CENPT: variants seen among roughly 807,000 people sequenced by gnomAD.
The protein encoded by CENPT is interphase centromere complex protein 22.
CENPT carries 42 observed loss-of-function variants against 59.7 expected under a neutral mutation model. The observed-to-expected ratio is 0.70, with a 90% CI of 0.55 to 0.91. The LOEUF (loss-of-function observed/expected upper bound fraction) is 0.91, where lower values mean the gene tolerates loss of function less well. CENPT is among the 40% of genes least tolerant of loss of function. The pLI is 0.00. For missense variants in CENPT, 716 were observed against 713.4 expected, an observed-to-expected ratio of 1.00 and a Z score of -0.04; for synonymous variants, 295 against 289.6, an observed-to-expected ratio of 1.02 and a Z score of -0.19.
chr16:67,838,784 G>A (rs908128349), intron 1 of CENPT, among the ~76,000 whole-genome samples: 6 of 151,464 alleles, frequency 4.0e-5, no homozygotes, highest in Admixed American at 2.6e-4. Context: ...AAAATTAGTC[G>A]GGTGTAGTGG....
intron 1 of CENPT, among the ~76,000 whole-genome samples, chr16:67,846,080 C>T (rs770859447): frequency 2.2e-4 from 34 of 152,262 alleles, no homozygotes; most frequent in Middle Eastern, 3.4e-3. Context: ...ACTGGCCTTA[C>T]CACAAATGTT....
chr16:67,828,757 T>A lies in CENPT; in HGVS notation c.1367A>T (p.His456Leu), dbSNP rs1458463231. 2 of 1,611,854 alleles carry A rather than the reference T, an allele frequency of 1.2e-6. No individual in the cohort carries two copies. Among genetic ancestry groups the A allele is most frequent in the Non-Finnish European group, 1.7e-6 (2 of 1,179,458 alleles). Residue 456 changes from histidine (H) to leucine (L), a missense_variant, in exon 14 of 16, where the codon CAC (histidine) becomes CTC (leucine). Coordinates refer to ENST00000562787, the MANE Select transcript of CENPT (RefSeq NM_025082.4). ...CACATAGTGGCTCAGTCCAGCCTTG[T>A]GGGGATCTTGCCGGGGCCTGGGGCC... ...TTGPRPRQDP[H>L]KAGLSHYVKL...
In CENPT at chr16:67,847,432, C is replaced by G. The variant is rs879628168; in HGVS notation, c.-523G>C. ...AGGATCCGGGGATGGGCAGCGCCAC[C>G]CGGCCCGCTCCAGAGTCAGCATGGG... On this transcript the variant is annotated 5_prime_UTR_variant, in exon 1 of 16. Transcript: ENST00000562787. The G allele has an allele frequency of 1.3e-5, 2 of 152,326 alleles. No individual in the cohort carries two copies. Among genetic ancestry groups the G allele is most frequent in the East Asian group, 3.9e-4 (2 of 5,172 alleles). 9.4% of individuals were successfully genotyped at this position (152,326 alleles called of 1,614,324 possible). A position where few individuals can be genotyped will look rare whatever the true frequency, so the allele number is the denominator to read the frequency against.
Position 67,842,509 on chromosome 16 carries a change from A to C in CENPT, c.-492+4892T>G. ...GGCGGCGTAGCCACTGGGCCGTCGA[A>C]GAGCGCAGGAGGCCGGTGGGCCGGG... On this transcript the variant is annotated intron_variant, in intron 1 of 15. Transcript: ENST00000562787. This position sits in a 1 kb window ranked among gnomAD's most constrained non-coding sequence, Gnocchi z 4.9. 7.0e-7 allele frequency: 1 copy of C among 1,428,242 alleles called. No individual in the cohort carries two copies. Among genetic ancestry groups the C allele is most frequent in the Non-Finnish European group, 9.1e-7 (1 of 1,093,816 alleles). The allele number at this position is 1,428,242 out of a possible 1,614,324, so 88.5% of individuals were successfully genotyped here.
At position 67,843,042 on chromosome 16, in the gene CENPT, C is replaced by G; in HGVS notation, c.-492+4359G>C. ...GCCGTGCTTCTCACCCTTCAGGCCA[C>G]TGTAGACAGCAGTCAGGCTCCGGGA... On this transcript the variant is annotated intron_variant, in intron 1 of 15. Transcript: ENST00000562787. This position sits in a 1 kb window ranked among gnomAD's most constrained non-coding sequence, Gnocchi z 5.7. 1.2e-6 allele frequency: 2 copies of G among 1,612,478 alleles called. No individual in the cohort carries two copies. The highest frequency in any genetic ancestry group is 1.7e-6 in the Non-Finnish European group (2 of 1,180,040).
At position 67,843,116 on chromosome 16, in the gene CENPT, A is replaced by T. The variant is rs765187965; in HGVS notation, c.-492+4285T>A. ...TCCCACTGGAGAAGACGTGAAGCCC[A>T]TCGATCTCACAGTGCAAGTGGAGTT... On this transcript the variant is annotated intron_variant, in intron 1 of 15. Transcript: ENST00000562787. The surrounding 1 kb of genome is among the most constrained non-coding windows in gnomAD (Gnocchi z 5.7). 1 of 1,610,628 alleles carries T rather than the reference A, an allele frequency of 6.2e-7. No homozygotes were observed. Among genetic ancestry groups the T allele is most frequent in the Admixed American group, 1.7e-5 (1 of 60,018 alleles).
chr16:67,830,592 A>C, intron 10 of CENPT, 44 bp from the exon 11 acceptor site: 1 of 1,598,948 alleles, frequency 6.3e-7, no homozygotes, highest in Non-Finnish European at 8.5e-7. Context: ...TCACCTGGAG[A>C]TCAGGGGCCA....
intron 1 of CENPT, among the ~76,000 whole-genome samples, chr16:67,844,888 A>G (rs548437339): frequency 1.1e-4 from 16 of 151,912 alleles, no homozygotes; most frequent in Non-Finnish European, 2.2e-4. Flanking sequence ...TCCCAGGTTC[A>G]AGCAATTCTT....
At position 67,843,506 on chromosome 16, in the gene CENPT, G is replaced by A; in HGVS notation, c.-492+3895C>T. 1 of 1,598,570 alleles carries A rather than the reference G, an allele frequency of 6.3e-7. No individual in the cohort carries two copies. Among genetic ancestry groups the A allele is most frequent in the Non-Finnish European group, 8.5e-7 (1 of 1,171,706 alleles). On this transcript the variant is annotated intron_variant, in intron 1 of 15. Coordinates refer to ENST00000562787, the MANE Select transcript of CENPT (RefSeq NM_025082.4). This position sits in a 1 kb window ranked among gnomAD's most constrained non-coding sequence, Gnocchi z 5.7. Reference sequence around the variant, plus strand: ...CAAGAAGCACGGAATGTGAACTGGTGCCCCGGCAGCCTGCTGGACTCCCAG... The same window carrying A: ...CAAGAAGCACGGAATGTGAACTGGTACCCCGGCAGCCTGCTGGACTCCCAG...
chr16:67,845,928 TG>T (rs1395913374), intron 1 of CENPT, among the ~76,000 whole-genome samples: 1 of 152,222 alleles, frequency 6.6e-6, no homozygotes, highest in Admixed American at 6.5e-5. Context: ...AAAACTCTTG[TG>T]GAAGAACAGG....
rs1411181537 is a variant in CENPT, at chr16:67,843,457, G to A, written c.-492+3944C>T. On this transcript the variant is annotated intron_variant, in intron 1 of 15. Coordinates refer to ENST00000562787, the MANE Select transcript of CENPT (RefSeq NM_025082.4). The surrounding 1 kb of genome is among the most constrained non-coding windows in gnomAD (Gnocchi z 5.7). ...GCGAAGAACTGCGTGAGAAGGATCG[G>A]CTGCTTGCCATGGCTGTCATCCGCA... The A allele has an allele frequency of 6.2e-7, 1 of 1,613,464 alleles. No homozygotes were observed. The highest frequency in any genetic ancestry group is 1.3e-5 in the African/African-American group (1 of 74,936).
chr16:67,832,064 C>T lies in CENPT; in HGVS notation c.334G>A (p.Val112Met). The T allele has an allele frequency of 1.2e-6, 2 of 1,612,238 alleles. No individual in the cohort carries two copies. The highest frequency in any genetic ancestry group is 1.7e-6 in the Non-Finnish European group (2 of 1,178,744). ...GGTTGGACCGCCTGCGGTGCTGGCA[C>T]TGGCTTCACTACCGACTCAGGCATC... Reference protein sequence around the residue: ...ILMPESVVKPVPAPQAVQPSR... With the variant: ...ILMPESVVKPMPAPQAVQPSR... The change falls in exon 7 of 16, where the codon GTG (valine) becomes ATG (methionine). Residue 112 changes from valine to methionine, a missense_variant. By Grantham distance (21) the Val-to-Met change is conservative. Coordinates refer to ENST00000562787, the MANE Select transcript of CENPT (RefSeq NM_025082.4).
In CENPT at chr16:67,828,405, G is replaced by A. The variant is rs1042455895; in HGVS notation, c.1563-15C>T. ...CCAGGCCCTGCCTGCAGTGGAGGAA[G>A]AGAAGGGACAGGCAGAATCAGCACC... On this transcript the variant is annotated splice_polypyrimidine_tract_variant and intron_variant, in intron 15 of 15. Coordinates refer to ENST00000562787, the MANE Select transcript of CENPT (RefSeq NM_025082.4). 1.2e-6 allele frequency: 2 copies of A among 1,612,100 alleles called. No individual in the cohort carries two copies. The highest frequency in any genetic ancestry group is 1.7e-6 in the Non-Finnish European group (2 of 1,178,380).
rs2057715868 is a variant in CENPT, at chr16:67,833,778, G to A, written c.82C>T (p.Pro28Ser). ...RVLDTADPRTPRRPRSARAGA... is the reference protein window; with the variant it reads ...RVLDTADPRTSRRPRSARAGA... ...GCCCGAGCACTCCGGGGTCGCCGCG[G>A]GGTGCGCGGGTCCGCTGTATCCAGC... Residue 28 changes from proline (P) to serine (S), a missense_variant, in exon 4 of 16, where the codon CCG becomes TCG. Transcript: ENST00000562787. The A allele has an allele frequency of 6.4e-7, 1 of 1,562,632 alleles. No individual in the cohort carries two copies. Among genetic ancestry groups the A allele is most frequent in the African/African-American group, 1.4e-5 (1 of 71,998 alleles).
At position 67,828,844 on chromosome 16, in the gene CENPT, C is replaced by G; in HGVS notation, c.1281-1G>C. The G allele has an allele frequency of 1.3e-6, 2 of 1,578,026 alleles. No homozygotes were observed. The highest frequency in any genetic ancestry group is 1.7e-6 in the Non-Finnish European group (2 of 1,169,758). ...AGGCTCTGCAGGCTCTGAAGATAAG[C>G]TGAGGGCAACAGTGGACAGAGGGGG... On this transcript the variant is annotated splice_acceptor_variant, in intron 13 of 15. Coordinates refer to ENST00000562787, the MANE Select transcript of CENPT (RefSeq NM_025082.4). LOFTEE classifies it high-confidence loss of function.
In CENPT at chr16:67,833,830, G is replaced by A; in HGVS notation, c.30C>T (p.Ser10=). 6.4e-7 allele frequency: 1 copy of A among 1,572,654 alleles called. No individual in the cohort carries two copies. Among genetic ancestry groups the A allele is most frequent in the Non-Finnish European group, 8.6e-7 (1 of 1,161,916 alleles). Residue 10 remains serine (S), a synonymous_variant, in exon 4 of 16, where the codon TCC becomes TCT. Transcript: ENST00000562787. ...CGCGTCGCAGCAGCGTGCGCGGCGTGGAGTCGCTGTCAGGGTTGTGGTCAG... is the reference window on the plus strand; with the variant it reads ...CGCGTCGCAGCAGCGTGCGCGGCGTAGAGTCGCTGTCAGGGTTGTGGTCAG... The part of the protein sequence containing the change: MADHNPDSD[S]TPRTLLRRVL...
At chr16:67,828,611 C>A in intron 14 of CENPT, 33 bp from the exon 15 acceptor site, 2 of 1,613,852 alleles carry the variant, frequency 1.2e-6, no homozygotes, top group Non-Finnish European at 1.7e-6. Flanking sequence ...GCAGGCTGAA[C>A]AGTCTGATCA....
intron 13 of CENPT, 65 bp downstream of exon 13, chr16:67,829,358 G>T: frequency 7.6e-7 from 1 of 1,314,702 alleles, no homozygotes; most frequent in Non-Finnish European, 1.1e-6. Context: ...AGGACCCTAT[G>T]TACACAGCAT....
intron 1 of CENPT, 144 bp from the exon 2 acceptor site, chr16:67,835,802 AT>A (rs1350798854): frequency 1.3e-5 from 2 of 151,322 alleles, no homozygotes; most frequent in African/African-American, 4.9e-5. Context: ...TTGCAGACAT[AT>A]TTCCATGGTT....
Sources: gnomAD v4.1 joint callset for allele counts (sites outside exome capture counted in the v4.1 genomes callset) on GRCh38, gnomAD v4.1.1 for gene constraint, Gnocchi (gnomAD v3.1) non-coding constraint, MANE v1.5 for transcripts, NCBI Gene and HGNC (gene_info 2026-07-23, HGNC 2026-07-21) for gene names.